The following INPP4B variants were observed in gnomAD, a reference collection of about 807,000 sequenced individuals.
INPP4B encodes the protein inositol polyphosphate-4-phosphatase type II B, also known as inositol polyphosphate 4-phosphatase type II.
INPP4B carries 55 observed loss-of-function variants against 122.5 expected under a neutral mutation model. The ratio of observed to expected loss-of-function variants is 0.45; its 90% CI spans 0.36 to 0.56. The LOEUF (loss-of-function observed/expected upper bound fraction) is 0.56, where lower values mean the gene tolerates loss of function less well. INPP4B is among the 20% of genes least tolerant of loss of function. The pLI, the probability that INPP4B is intolerant of heterozygous loss-of-function variation, is 0.00. For synonymous variants in INPP4B, 403 were observed against 388.7 expected (o/e 1.04, Z -0.43); for missense variants, 1,000 against 1,097.7 (o/e 0.91, Z 1.26).
intron 2 of INPP4B, among the ~76,000 whole-genome samples, chr4:142,646,982 C>T (rs769437142): frequency 6.6e-6 from 1 of 152,136 alleles, no homozygotes; most frequent in Non-Finnish European, 1.5e-5. Context: ...ACTGTAAACA[C>T]AATACAATGA....
At chr4:142,800,291 C>G (rs1324935156) in intron 1 of INPP4B, among the ~76,000 whole-genome samples, 1 of 152,104 alleles carries the variant, frequency 6.6e-6, no homozygotes, top group Non-Finnish European at 1.5e-5. Flanking sequence ...GGCAAACAAA[C>G]ACACTGCTTG....
chr4:142,613,983 TA>T (rs1409684357), intron 2 of INPP4B, among the ~76,000 whole-genome samples: 8 of 152,170 alleles, frequency 5.3e-5, no homozygotes, highest in Admixed American at 3.3e-4. Flanking sequence ...AACCTATACT[TA>T]AACACAGTGG....
chr4:142,041,967 T>C (rs973831755), intron 25 of INPP4B, among the ~76,000 whole-genome samples: 1 of 152,148 alleles, frequency 6.6e-6, no homozygotes, highest in Admixed American at 6.6e-5. Flanking sequence ...TTTCTTTCTA[T>C]CACAGGAAAT....
chr4:142,797,455 A>G (rs994607053), intron 1 of INPP4B, among the ~76,000 whole-genome samples: 10 of 152,058 alleles, frequency 6.6e-5, no homozygotes, highest in Admixed American at 2.0e-4. Context: ...CAGAGCAAAA[A>G]GGCGAAGAGA....
chr4:142,283,180 A>G (rs1388914491), intron 9 of INPP4B, among the ~76,000 whole-genome samples: 1 of 152,068 alleles, frequency 6.6e-6, no homozygotes, highest in African/African-American at 2.4e-5. Flanking sequence ...AGAATATGAG[A>G]AAGAGGAATC....
At chr4:142,373,462 T>C (rs1790663794) in intron 7 of INPP4B, among the ~76,000 whole-genome samples, 1 of 152,014 alleles carries the variant, frequency 6.6e-6, no homozygotes. Flanking sequence ...TCTTAGAGTA[T>C]GATGATTAAG....
Position 142,208,806 on chromosome 4 carries a change from T to G in INPP4B, c.967+90A>C, listed in dbSNP as rs998501878. 14 of 1,009,410 alleles carry G rather than the reference T, an allele frequency of 1.4e-5. No homozygotes were observed. In the African/African-American group the frequency reaches 2.2e-4, roughly 16 times the overall value. 62.5% of individuals were successfully genotyped at this position (1,009,410 alleles called of 1,614,324 possible). Reference sequence around the variant, plus strand: ...TTTTAAAAAATCTCCAGTTCTCCTATCTACATAAAATCTATTTATTATTTT... The same window carrying G: ...TTTTAAAAAATCTCCAGTTCTCCTAGCTACATAAAATCTATTTATTATTTT... On this transcript the variant is annotated intron_variant, in intron 13 of 25. Coordinates refer to ENST00000262992, the MANE Select transcript of INPP4B (RefSeq NM_001101669.3).
intron 1 of INPP4B, among the ~76,000 whole-genome samples, chr4:142,740,205 C>T (rs1422106406): frequency 6.6e-6 from 1 of 151,894 alleles, no homozygotes; most frequent in East Asian, 1.9e-4. Context: ...CACATAAGCA[C>T]AGAAAACCCA....
chr4:142,083,963 T>C (rs1312518282), intron 24 of INPP4B, among the ~76,000 whole-genome samples: 1 of 152,140 alleles, frequency 6.6e-6, no homozygotes, highest in African/African-American at 2.4e-5. Flanking sequence ...TAAAGTCTAG[T>C]GGAGGTAAGG....
At chr4:142,284,560 C>T (rs1336729037) in intron 9 of INPP4B, among the ~76,000 whole-genome samples, 1 of 152,026 alleles carries the variant, frequency 6.6e-6, no homozygotes, top group African/African-American at 2.4e-5. Flanking sequence ...GGAGTGGGAA[C>T]TTGTCAGATT....
chr4:142,064,961 A>G (rs185791871), intron 25 of INPP4B, among the ~76,000 whole-genome samples: 2 of 152,302 alleles, frequency 1.3e-5, no homozygotes, highest in East Asian at 3.9e-4. Flanking sequence ...GATGTAAGAA[A>G]ACAGATATTT....
chr4:142,401,837 T>G (rs965684287), intron 7 of INPP4B, among the ~76,000 whole-genome samples: 1 of 152,232 alleles, frequency 6.6e-6, no homozygotes, highest in Non-Finnish European at 1.5e-5. Context: ...TTTGTTTCCA[T>G]GTACATATGC....
intron 11 of INPP4B, among the ~76,000 whole-genome samples, chr4:142,259,210 G>A (rs1333896945): frequency 1.7e-5 from 2 of 115,606 alleles, no homozygotes; most frequent in African/African-American, 3.2e-5. Flanking sequence ...GTTGTGGGGT[G>A]GGGGGAGGGG....
At chr4:142,436,810 A>T (rs201250804) in intron 3 of INPP4B, among the ~76,000 whole-genome samples, 22 of 9,674 alleles carry the variant, frequency 2.3e-3, no homozygotes, top group East Asian at 0.021. Flanking sequence ...AAGAATCAAT[A>T]AAAAAAAAAA....
At chr4:142,736,062 T>G (rs1043433235) in intron 1 of INPP4B, among the ~76,000 whole-genome samples, 2 of 152,034 alleles carry the variant, frequency 1.3e-5, no homozygotes, top group Non-Finnish European at 2.9e-5. Context: ...TTCTGAGAGT[T>G]TAGACCTCTT....
chr4:142,168,892 A>C (rs1345665174), intron 16 of INPP4B, among the ~76,000 whole-genome samples: 2 of 151,580 alleles, frequency 1.3e-5, no homozygotes, highest in Non-Finnish European at 3.0e-5. Context: ...TGAGAAGATA[A>C]TGTTTAGGTT....
At chr4:142,517,832 T>C (rs1267434876) in intron 2 of INPP4B, among the ~76,000 whole-genome samples, 1 of 152,180 alleles carries the variant, frequency 6.6e-6, no homozygotes, top group African/African-American at 2.4e-5. Context: ...ACACCTCCAC[T>C]TCTGGTTTCT....
chr4:142,352,495 T>C (rs985452885), intron 7 of INPP4B, among the ~76,000 whole-genome samples: 1 of 151,056 alleles, frequency 6.6e-6, no homozygotes, highest in Non-Finnish European at 1.5e-5. Flanking sequence ...ATATATATCA[T>C]ATATATATAT....
At chr4:142,149,531 T>C (rs1382567034) in intron 17 of INPP4B, among the ~76,000 whole-genome samples, 1 of 151,804 alleles carries the variant, frequency 6.6e-6, no homozygotes, top group African/African-American at 2.4e-5. Context: ...GGGTACACAG[T>C]AGCACAAACT....
Sources: gnomAD v4.1 joint callset for allele counts (sites outside exome capture counted in the v4.1 genomes callset) on GRCh38, gnomAD v4.1.1 for gene constraint, MANE v1.5 for transcripts, NCBI Gene and HGNC (gene_info 2026-07-23, HGNC 2026-07-21) for gene names.